WDSUB1: variants seen among roughly 807,000 people sequenced by gnomAD.
The protein encoded by WDSUB1 is WD repeat, SAM and U-box domain-containing protein 1.
Under a neutral mutation model 53.9 loss-of-function variants are expected in WDSUB1, and 49 were observed. The ratio of observed to expected loss-of-function variants is 0.91; its 90% confidence interval spans 0.72 to 1.15. The LOEUF is 1.15. Ranked by LOEUF, WDSUB1 falls within the 50% of genes most tolerant of loss-of-function variation. The probability of loss-of-function intolerance (pLI) is 0.00; values close to 1 mark genes in which losing one functional copy is unlikely to be tolerated. For synonymous variants in WDSUB1, 194 were observed against 200.6 expected (o/e 0.97, Z 0.28); for missense variants, 514 against 562.0 (o/e 0.91, Z 0.86).
intron 9 of WDSUB1, among the ~76,000 whole-genome samples, chr2:159,251,854 C>T (rs976280409): frequency 2.0e-5 from 3 of 152,146 alleles, no homozygotes; most frequent in East Asian, 3.8e-4. Context: ...AACGGGGTTC[C>T]GGAGTGAGAG....
chr2:159,246,795 A>C (rs2060808454), intron 10 of WDSUB1, among the ~76,000 whole-genome samples: 1 of 152,236 alleles, frequency 6.6e-6, no homozygotes, highest in Non-Finnish European at 1.5e-5. Context: ...ATGCAAGGAA[A>C]CATTACTCAG....
rs2060467478 is a variant in WDSUB1 at position 159,235,914 on chromosome 2, A to C, written c.*119T>G. 2 of 1,026,958 alleles carry C rather than the reference A, an allele frequency of 1.9e-6. No homozygotes were observed. Among genetic ancestry groups the C allele is most frequent in the Non-Finnish European group, 1.3e-6 (1 of 767,614 alleles). 63.6% of individuals were successfully genotyped at this position (1,026,958 alleles called of 1,614,324 possible). ...TGAAAATTGACAATTTTTATAGGTA[A>C]CTAAATTTAAGAAGTTTACCTTTTT... On this transcript the variant is annotated 3_prime_UTR_variant, in exon 11 of 11. Transcript: ENST00000359774.
chr2:159,237,291 G>A (rs1335123226), intron 10 of WDSUB1, among the ~76,000 whole-genome samples: 3 of 152,110 alleles, frequency 2.0e-5, no homozygotes, highest in African/African-American at 7.2e-5. Flanking sequence ...AGGCCAAGGC[G>A]GGTGGAGCCA....
At chr2:159,240,143 A>G (rs1327420149) in intron 10 of WDSUB1, among the ~76,000 whole-genome samples, 1 of 152,168 alleles carries the variant, frequency 6.6e-6, no homozygotes, top group African/African-American at 2.4e-5. Flanking sequence ...AATGGGAATC[A>G]TACACTATGC....
At chr2:159,245,197 C>T (rs555126051) in intron 10 of WDSUB1, among the ~76,000 whole-genome samples, 18 of 152,232 alleles carry the variant, frequency 1.2e-4, no homozygotes, top group Admixed American at 9.8e-4. Context: ...AGTAAAAGAA[C>T]TAAGTCATGT....
Position 159,242,011 on chromosome 2 carries a change from CTGATACACTGTT to C in WDSUB1, c.1274-5833_1274-5822del, listed in dbSNP as rs1415377487. On this transcript the variant is annotated intron_variant, in intron 10 of 10. Transcript: ENST00000359774. ...AATACACTGACAAATGGTGTTCTCTCTGATACACTGTTTGATACACTGTTGATAAACAAAAGC... is the reference window on the plus strand; with the variant it reads ...AATACACTGACAAATGGTGTTCTCTCTGATACACTGTTGATAAACAAAAGC... Among the ~76,000 whole-genome samples, 8 of 147,148 alleles carry C rather than the reference CTGATACACTGTT, an allele frequency of 5.4e-5. 1 individual carries two copies. The highest frequency in any genetic ancestry group is 1.1e-4 in the African/African-American group (4 of 37,662).
intron 10 of WDSUB1, among the ~76,000 whole-genome samples, chr2:159,240,753 G>A (rs1296024079): frequency 6.6e-6 from 1 of 152,168 alleles, no homozygotes; most frequent in Non-Finnish European, 1.5e-5. Flanking sequence ...CAACTGACCT[G>A]GGATTTAAAC....
chr2:159,240,315 C>T (rs775450683), intron 10 of WDSUB1, among the ~76,000 whole-genome samples: 2 of 152,180 alleles, frequency 1.3e-5, no homozygotes, highest in Non-Finnish European at 2.9e-5. Flanking sequence ...CTTTGGGCTA[C>T]TAATAATGCT....
chr2:159,259,328 A>G (rs529522166), intron 6 of WDSUB1, among the ~76,000 whole-genome samples: 2 of 151,980 alleles, frequency 1.3e-5, no homozygotes, highest in South Asian at 2.1e-4. Context: ...CCCGGCCACA[A>G]CTTGGTCTTT....
At chr2:159,257,514 G>C (rs1470611673) in intron 8 of WDSUB1, among the ~76,000 whole-genome samples, 2 of 151,842 alleles carry the variant, frequency 1.3e-5, no homozygotes, top group Non-Finnish European at 2.9e-5. Flanking sequence ...AGCCTCCCGA[G>C]TAGCGGGGAT....
intron 10 of WDSUB1, among the ~76,000 whole-genome samples, chr2:159,246,166 C>T (rs1279684487): frequency 6.6e-6 from 1 of 152,192 alleles, no homozygotes; most frequent in Non-Finnish European, 1.5e-5. Flanking sequence ...GGTACAGTGG[C>T]TCACGCCTGT....
intron 4 of WDSUB1, among the ~76,000 whole-genome samples, chr2:159,273,029 T>G (rs1191035958): frequency 1.3e-5 from 2 of 152,186 alleles, no homozygotes; most frequent in Non-Finnish European, 2.9e-5. Flanking sequence ...TTTTTTGAAG[T>G]GTTAAATGTC....
At chr2:159,280,258 A>G (rs2061627070) in intron 2 of WDSUB1, among the ~76,000 whole-genome samples, 1 of 152,228 alleles carries the variant, frequency 6.6e-6, no homozygotes, top group African/African-American at 2.4e-5. Context: ...AACACATTAA[A>G]ATATGTAAAA....
chr2:159,277,431 A>G (rs1463474435), intron 3 of WDSUB1, among the ~76,000 whole-genome samples: 1 of 152,230 alleles, frequency 6.6e-6, no homozygotes, highest in African/African-American at 2.4e-5. Context: ...TTAATTCTGA[A>G]GTTCTCTAAG....
intron 10 of WDSUB1, among the ~76,000 whole-genome samples, chr2:159,242,867 A>AAATAC (rs2060695927): frequency 6.8e-6 from 1 of 148,122 alleles, no homozygotes; most frequent in Non-Finnish European, 1.5e-5. Flanking sequence ...AAGAATGCTG[A>AAATAC]AATACAAACA....
intron 9 of WDSUB1, among the ~76,000 whole-genome samples, chr2:159,252,225 CTA>C (rs1487620147): frequency 6.6e-6 from 1 of 152,072 alleles, no homozygotes; most frequent in African/African-American, 2.4e-5. Context: ...GAAAACACAG[CTA>C]TAGATACATG....
intron 10 of WDSUB1, among the ~76,000 whole-genome samples, chr2:159,236,695 T>C (rs993187820): frequency 6.6e-6 from 1 of 152,200 alleles, no homozygotes; most frequent in Non-Finnish European, 1.5e-5. Flanking sequence ...TCTCACACTG[T>C]TGCCCAGGCT....
intron 2 of WDSUB1, among the ~76,000 whole-genome samples, chr2:159,280,678 G>A (rs1042690623): frequency 1.6e-4 from 10 of 61,830 alleles, no homozygotes; most frequent in Non-Finnish European, 2.1e-4. Context: ...GCGACAGAGC[G>A]AGACTCCGTC....
At chr2:159,273,433 T>A (rs530162961) in intron 4 of WDSUB1, among the ~76,000 whole-genome samples, 56 of 152,318 alleles carry the variant, frequency 3.7e-4, no homozygotes, top group African/African-American at 1.3e-3. Context: ...TTTTATTATT[T>A]TTTTTTTGAG....
Sources: gnomAD v4.1 joint callset for allele counts (sites outside exome capture counted in the v4.1 genomes callset) on GRCh38, gnomAD v4.1.1 for gene constraint, MANE v1.5 for transcripts, NCBI Gene and HGNC (gene_info 2026-07-23, HGNC 2026-07-21) for gene names.